PRICKLE1: variants seen among roughly 807,000 people sequenced by gnomAD.
PRICKLE1 encodes the protein prickle-like protein 1.
A neutral mutation model predicts 70.2 loss-of-function variants in PRICKLE1; 14 were observed. The observed-to-expected ratio is 0.20, with a 90% confidence interval of 0.13 to 0.31. PRICKLE1 has a LOEUF of 0.31. Among genes scored for constraint, PRICKLE1 ranks in the 10% least tolerant of loss-of-function variants. The probability of loss-of-function intolerance (pLI) is 1.00; values close to 1 mark genes in which losing one functional copy is unlikely to be tolerated. For missense variants in PRICKLE1, 821 were observed against 1,026.2 expected, an observed-to-expected ratio of 0.80 and a Z score of 2.73; for synonymous variants, 357 against 379.9, an observed-to-expected ratio of 0.94 and a Z score of 0.70.
intron 1 of PRICKLE1, among the ~76,000 whole-genome samples, chr12:42,573,100 T>C (rs1940747036): frequency 6.6e-6 from 1 of 152,212 alleles, no homozygotes; most frequent in African/African-American, 2.4e-5. Flanking sequence ...TAGCGGTTTC[T>C]GATCGCTAAT....
Position 42,582,754 on chromosome 12 carries a change from T to C in PRICKLE1, c.-49+6711A>G, listed in dbSNP as rs77231330. Reference sequence around the variant, plus strand: ...ACATGCAACCCAGGATGGCTTTGAATGTGGTCCAACACAGATTTGTAAACT... The same window carrying C: ...ACATGCAACCCAGGATGGCTTTGAACGTGGTCCAACACAGATTTGTAAACT... On this transcript the variant is annotated intron_variant, in intron 1 of 7. Coordinates refer to ENST00000345127, the MANE Select transcript of PRICKLE1 (RefSeq NM_153026.3). Among the ~76,000 whole-genome samples the C allele has an allele frequency of 3.6e-3, 551 of 152,344 alleles. 8 individuals are homozygous for C. Among genetic ancestry groups the C allele is most frequent in the East Asian group, 0.034 (174 of 5,186 alleles).
intron 1 of PRICKLE1, among the ~76,000 whole-genome samples, chr12:42,578,387 T>A (rs1371482467): frequency 6.6e-6 from 1 of 152,188 alleles, no homozygotes; most frequent in Admixed American, 6.5e-5. Flanking sequence ...CCTCTATTTT[T>A]TTTTTAAGGT....
At chr12:42,518,923 C>T (rs1201926167) in intron 1 of PRICKLE1, among the ~76,000 whole-genome samples, 1 of 152,138 alleles carries the variant, frequency 6.6e-6, no homozygotes, top group Non-Finnish European at 1.5e-5. Context: ...ATCAGGTACA[C>T]TTTCCAGTTT....
rs117925020 is a variant in PRICKLE1, at chr12:42,501,224, G to A, written c.-48-28660C>T. On this transcript the variant is annotated intron_variant, in intron 1 of 7. Transcript: ENST00000345127. ...TCAAAACATAAAAGAAGAGAGCAAG[G>A]CCGGGTGCGGTGGCTCATGCTTGTA... is the stretch of plus-strand genomic sequence containing the variant. 7.7e-3 allele frequency among the ~76,000 whole-genome samples: 1,169 copies of A among 152,248 alleles called. 35 individuals carry two copies. In the East Asian group the frequency reaches 0.091, roughly 12 times the overall value.
chr12:42,499,114 A>G (rs543174116), intron 1 of PRICKLE1, among the ~76,000 whole-genome samples: 13 of 152,366 alleles, frequency 8.5e-5, no homozygotes, highest in East Asian at 3.9e-4. Flanking sequence ...TATACCTGCT[A>G]TAACTTATGG....
At chr12:42,538,852 C>T (rs1940059584) in intron 1 of PRICKLE1, among the ~76,000 whole-genome samples, 1 of 152,158 alleles carries the variant, frequency 6.6e-6, no homozygotes, top group Admixed American at 6.5e-5. Flanking sequence ...CAATGTGACA[C>T]ATAAATACAG....
rs57490344 is a variant in PRICKLE1 at position 42,487,680 on chromosome 12, A to C, written c.-48-15116T>G. On this transcript the variant is annotated intron_variant, in intron 1 of 7. Transcript: ENST00000345127. Reference sequence around the variant, plus strand: ...AAGGTGTTGTGTTTTTCATCTCTAAAAATGCTGGAGTTTGGATTAGGTCAA... The same window carrying C: ...AAGGTGTTGTGTTTTTCATCTCTAACAATGCTGGAGTTTGGATTAGGTCAA... Among the ~76,000 whole-genome samples the C allele has an allele frequency of 8.1e-3, 1,226 of 152,292 alleles. 20 individuals are homozygous for C. Among genetic ancestry groups the C allele is most frequent in the African/African-American group, 0.029 (1,191 of 41,572 alleles).
Position 42,472,583 on chromosome 12 carries a change from A to G in PRICKLE1, c.-48-19T>C. 1 of 1,602,696 alleles carries G rather than the reference A, an allele frequency of 6.2e-7. No homozygotes were observed. The highest frequency in any genetic ancestry group is 1.1e-5 in the South Asian group (1 of 90,690). On this transcript the variant is annotated intron_variant, in intron 1 of 7. Coordinates refer to ENST00000345127, the MANE Select transcript of PRICKLE1 (RefSeq NM_153026.3). ...ATGGCTGCTGTGAACAATATAAGAA[A>G]AAACAAAGACATCTAAAACCTGAAT... is the stretch of plus-strand genomic sequence containing the variant.
intron 5 of PRICKLE1, 37 bp from the exon 6 acceptor site, chr12:42,466,417 A>C: frequency 6.3e-7 from 1 of 1,588,848 alleles, no homozygotes; most frequent in East Asian, 2.2e-5. Flanking sequence ...AATGAAAGAA[A>C]ATCATTAGGA....
intron 1 of PRICKLE1, among the ~76,000 whole-genome samples, chr12:42,581,257 A>G (rs1005221279): frequency 6.6e-6 from 1 of 152,164 alleles, no homozygotes; most frequent in Non-Finnish European, 1.5e-5. Context: ...ACTGAAGCCC[A>G]GAGAGGCTGA....
chr12:42,505,731 C>T (rs951971469), intron 1 of PRICKLE1, among the ~76,000 whole-genome samples: 2 of 152,156 alleles, frequency 1.3e-5, no homozygotes, highest in Admixed American at 6.6e-5. Flanking sequence ...CCACTGAGCC[C>T]GGCCCAGGTT....
chr12:42,568,209 C>T (rs921782636), intron 1 of PRICKLE1, among the ~76,000 whole-genome samples: 3 of 152,202 alleles, frequency 2.0e-5, no homozygotes, highest in Non-Finnish European at 4.4e-5. Context: ...GGGTCTGGCT[C>T]TATTGCCCAG....
Position 42,508,957 on chromosome 12 carries a change from G to C in PRICKLE1, c.-48-36393C>G, listed in dbSNP as rs530090740. On this transcript the variant is annotated intron_variant, in intron 1 of 7. Coordinates refer to ENST00000345127, the MANE Select transcript of PRICKLE1 (RefSeq NM_153026.3). Reference sequence around the variant, plus strand: ...GATTCCTTCAGTTTATAAACCCTAGGAATAAAGGTCAGTTGTATATATAGG... The same window carrying C: ...GATTCCTTCAGTTTATAAACCCTAGCAATAAAGGTCAGTTGTATATATAGG... 5.9e-5 allele frequency among the ~76,000 whole-genome samples: 9 copies of C among 152,288 alleles called. 1 individual carries two copies. In the South Asian group the frequency reaches 1.7e-3, roughly 28 times the overall value.
chr12:42,468,846 T>C lies in PRICKLE1; in HGVS notation c.385-17A>G. 6.2e-7 allele frequency: 1 copy of C among 1,611,938 alleles called. No individual in the cohort carries two copies. The highest frequency in any genetic ancestry group is 8.5e-7 in the Non-Finnish European group (1 of 1,178,216). ...CAAACCACACTACAAACAAATGGGT[T>C]TGAATGTAAAAGGATCATTTTTTAA... On this transcript the variant is annotated splice_polypyrimidine_tract_variant and intron_variant, in intron 4 of 7. Transcript: ENST00000345127.
intron 1 of PRICKLE1, among the ~76,000 whole-genome samples, chr12:42,576,514 C>A (rs1940808938): frequency 6.6e-6 from 1 of 152,222 alleles, no homozygotes; most frequent in Non-Finnish European, 1.5e-5. Flanking sequence ...TGCCTTCCTG[C>A]AGAATTTTCA....
At chr12:42,530,917 T>A (rs1939902439) in intron 1 of PRICKLE1, among the ~76,000 whole-genome samples, 1 of 151,764 alleles carries the variant, frequency 6.6e-6, no homozygotes, top group South Asian at 2.1e-4. Flanking sequence ...GTGACCTACC[T>A]GCTTCGGCCT....
chr12:42,502,411 A>AATCTTCCTGCCT (rs1014207562), intron 1 of PRICKLE1, among the ~76,000 whole-genome samples: 1 of 151,820 alleles, frequency 6.6e-6, no homozygotes, highest in African/African-American at 2.4e-5. Flanking sequence ...GGGCTCAAGC[A>AATCTTCCTGCCT]ATCTTCCTGC....
intron 1 of PRICKLE1, among the ~76,000 whole-genome samples, chr12:42,551,496 C>A (rs575099260): frequency 1.3e-5 from 2 of 152,286 alleles, no homozygotes; most frequent in South Asian, 4.1e-4. Flanking sequence ...GAAAAACAGG[C>A]AGCTTTTGTT....
intron 1 of PRICKLE1, among the ~76,000 whole-genome samples, chr12:42,514,804 C>T (rs1413617516): frequency 6.6e-6 from 1 of 152,118 alleles, no homozygotes; most frequent in African/African-American, 2.4e-5. Context: ...TGCTTCCCCT[C>T]TGTTAGTTGA....
Sources: allele counts gnomAD v4.1 joint callset (sites outside exome capture counted in the v4.1 genomes callset), GRCh38; gene constraint gnomAD v4.1.1; transcripts MANE v1.5; gene names NCBI Gene and HGNC (gene_info 2026-07-23, HGNC 2026-07-21).